Variants in STIL observed in about 807,000 individuals in gnomAD.
The protein encoded by STIL is SCL-interrupting locus protein.
In STIL, 55 loss-of-function variants were observed where a neutral mutation model predicts 110.1. That is an observed-to-expected ratio of 0.50 (90% CI 0.40 to 0.63). The LOEUF (loss-of-function observed/expected upper bound fraction) is 0.63. Ranked by LOEUF, STIL falls within the 20% of genes least tolerant of loss-of-function variation. The probability of loss-of-function intolerance (pLI) is 0.00; values close to 1 mark genes in which losing one functional copy is unlikely to be tolerated. For synonymous variants in STIL, 481 were observed against 530.0 expected (o/e 0.91, Z 1.27); for missense variants, 1,358 against 1,530.0 (o/e 0.89, Z 1.87).
chr1:47,278,075 T>C (rs914987997), intron 12 of STIL, among the ~76,000 whole-genome samples: 5 of 152,220 alleles, frequency 3.3e-5, no homozygotes, highest in African/African-American at 1.2e-4. Context: ...TTGGGTATCT[T>C]TGAACATTTA....
intron 14 of STIL, among the ~76,000 whole-genome samples, chr1:47,267,671 A>AAAG (rs1364088635): frequency 7.1e-6 from 1 of 141,376 alleles, no homozygotes; most frequent in East Asian, 2.0e-4. Flanking sequence ...AGTATCTAAA[A>AAAG]AAAAAAAAAA....
chr1:47,300,574 T>A (rs1473575554), intron 5 of STIL, among the ~76,000 whole-genome samples: 1 of 152,000 alleles, frequency 6.6e-6, no homozygotes, highest in Non-Finnish European at 1.5e-5. Context: ...TTCAAGCGAT[T>A]CTCCTGCCTC....
intron 2 of STIL, among the ~76,000 whole-genome samples, chr1:47,308,671 AC>A (rs1557779125): frequency 6.6e-6 from 1 of 152,002 alleles, no homozygotes; most frequent in Non-Finnish European, 1.5e-5. Context: ...AAAAAAAAAA[AC>A]CAGAAAGAAT....
chr1:47,270,629 A>T (rs1355941264), intron 13 of STIL, among the ~76,000 whole-genome samples: 1 of 151,052 alleles, frequency 6.6e-6, no homozygotes, highest in African/African-American at 2.4e-5. Flanking sequence ...TAATATCTGT[A>T]ATATCAGGCA....
At chr1:47,259,525 A>G (rs1320750056) in intron 16 of STIL, among the ~76,000 whole-genome samples, 10 of 143,524 alleles carry the variant, frequency 7.0e-5, no homozygotes, top group African/African-American at 2.6e-4. Context: ...TCCTGACCTC[A>G]TGATTCACCT....
chr1:47,270,255 TACACAC>T (rs56253074), intron 13 of STIL, among the ~76,000 whole-genome samples: 124 of 119,412 alleles, frequency 1.0e-3, no homozygotes, highest in African/African-American at 2.4e-3. Flanking sequence ...TATATATATA[TACACAC>T]ACACACACAC....
chr1:47,306,544 G>A (rs1645966798), intron 2 of STIL, among the ~76,000 whole-genome samples: 1 of 152,092 alleles, frequency 6.6e-6, no homozygotes, highest in South Asian at 2.1e-4. Flanking sequence ...ATGAGCCATG[G>A]CTCCTGGCCT....
At chr1:47,278,397 T>C (rs1645051208) in intron 12 of STIL, among the ~76,000 whole-genome samples, 1 of 152,118 alleles carries the variant, frequency 6.6e-6, no homozygotes, top group African/African-American at 2.4e-5. Flanking sequence ...ACTATATGTA[T>C]TTACACACAG....
chr1:47,289,082 A>C (rs1183917915), intron 9 of STIL, among the ~76,000 whole-genome samples: 1 of 150,194 alleles, frequency 6.7e-6, no homozygotes, highest in African/African-American at 2.5e-5. Context: ...AAAAAAAAAA[A>C]AAAACATCAG....
chr1:47,251,953 T>C (rs1411137997), intron 16 of STIL, 31 bp from the exon 17 acceptor site: 2 of 1,600,658 alleles, frequency 1.2e-6, no homozygotes, highest in Non-Finnish European at 8.5e-7. Context: ...AGCCATCATT[T>C]ACCATATTCT....
rs1323923687 is a variant in STIL, at chr1:47,251,121, C to T, written c.*15G>A. 1.2e-6 allele frequency: 2 copies of T among 1,611,982 alleles called. No homozygotes were observed. The highest frequency in any genetic ancestry group is 2.7e-5 in the African/African-American group (2 of 74,850). ...ACACCCTGTCCCTGTATTAAAAGGG[C>T]AGGGAGTTAAAAGGTTAAAATAATT... On this transcript the variant is annotated 3_prime_UTR_variant, in exon 17 of 17. Transcript: ENST00000371877.
intron 7 of STIL, 146 bp downstream of exon 7, chr1:47,295,619 C>G: frequency 1.6e-6 from 1 of 625,336 alleles, no homozygotes; most frequent in Admixed American, 2.7e-5. Context: ...GCTGATTCTA[C>G]TAGTAAAATA....
rs751735360 is a variant in STIL at position 47,251,896 on chromosome 1, G to C, written c.3107C>G (p.Ala1036Gly). 9 of 1,610,926 alleles carry C rather than the reference G, an allele frequency of 5.6e-6. No individual in the cohort carries two copies. Among genetic ancestry groups the C allele is most frequent in the African/African-American group, 1.3e-5 (1 of 74,900 alleles). Residue 1036 changes from alanine (A) to glycine (G), a missense_variant, in exon 17 of 17, where the codon GCA becomes GGA. Transcript: ENST00000371877. ...ASVLACISPEAVISGLNCMSF... is the reference protein window; with the variant it reads ...ASVLACISPEGVISGLNCMSF... ...CATGCAGTTTAATCCAGAGATCACT[G>C]CTTCTGGGCTGATGCATGCCAACAC... is the stretch of plus-strand genomic sequence containing the variant.
intron 2 of STIL, among the ~76,000 whole-genome samples, chr1:47,308,362 T>C (rs1030599941): frequency 2.0e-5 from 3 of 149,818 alleles, no homozygotes; most frequent in South Asian, 4.2e-4. Context: ...CCTACGTGAT[T>C]ATCGGGGCAG....
intron 5 of STIL, among the ~76,000 whole-genome samples, 170 bp downstream of exon 5, chr1:47,301,391 T>A (rs1645800154): frequency 6.6e-6 from 1 of 152,198 alleles, no homozygotes; most frequent in Non-Finnish European, 1.5e-5. Flanking sequence ...CTCATATCGC[T>A]TACCTAGAGT....
chr1:47,306,493 A>T (rs184355634), intron 2 of STIL, among the ~76,000 whole-genome samples: 1 of 152,170 alleles, frequency 6.6e-6, no homozygotes, highest in South Asian at 2.1e-4. Flanking sequence ...GTTTTAAGCA[A>T]TCTTCCCACC....
chr1:47,280,181 C>A, intron 12 of STIL, 60 bp downstream of exon 12: 2 of 1,608,262 alleles, frequency 1.2e-6, no homozygotes, highest in Admixed American at 1.7e-5. Context: ...GGAGAGGTGC[C>A]AGTTTTTAAG....
chr1:47,309,802 T>C (rs1317275473), intron 2 of STIL, among the ~76,000 whole-genome samples: 1 of 152,182 alleles, frequency 6.6e-6, no homozygotes, highest in Non-Finnish European at 1.5e-5. Context: ...AAACTTGGTA[T>C]ACCTAATGTG....
intron 16 of STIL, among the ~76,000 whole-genome samples, chr1:47,252,748 A>T (rs1436105174): frequency 6.6e-6 from 1 of 151,412 alleles, no homozygotes; most frequent in Admixed American, 6.6e-5. Context: ...ATTAATAAAA[A>T]ACATCAACCA....
Sources: allele counts gnomAD v4.1 joint callset (sites outside exome capture counted in the v4.1 genomes callset), GRCh38; gene constraint gnomAD v4.1.1; transcripts MANE v1.5; gene names NCBI Gene and HGNC (gene_info 2026-07-23, HGNC 2026-07-21).